The following DPP6 variants were observed in gnomAD, a reference collection of about 807,000 sequenced individuals.
DPP6 encodes the protein dipeptidyl peptidase like 6, also known as A-type potassium channel modulatory protein DPP6.
In DPP6, 69 loss-of-function variants were observed where a neutral mutation model predicts 122.6. The ratio of observed to expected loss-of-function variants is 0.56; its 90% CI spans 0.46 to 0.69. DPP6 has a LOEUF of 0.69. Among genes scored for constraint, DPP6 ranks in the 30% least tolerant of loss-of-function variants. The pLI, the probability that DPP6 is intolerant of heterozygous loss-of-function variation, is 0.00. For missense variants in DPP6, 928 were observed against 1,116.9 expected, an observed-to-expected ratio of 0.83 and a Z score of 2.41; for synonymous variants, 418 against 433.1, an observed-to-expected ratio of 0.97 and a Z score of 0.43.
At chr7:154,247,496 T>C (rs985668328) in intron 1 of DPP6, among the ~76,000 whole-genome samples, 1 of 152,168 alleles carries the variant, frequency 6.6e-6, no homozygotes, top group Admixed American at 6.5e-5. Flanking sequence ...GCACATGAAA[T>C]GGTGCCTAAA....
chr7:154,679,831 G>A (rs537182185), intron 7 of DPP6, among the ~76,000 whole-genome samples: 1 of 152,284 alleles, frequency 6.6e-6, no homozygotes, highest in African/African-American at 2.4e-5. Context: ...ATGGCCTTCT[G>A]TACCCTCAGA....
intron 17 of DPP6, among the ~76,000 whole-genome samples, chr7:154,854,229 C>T (rs569233226): frequency 3.3e-5 from 5 of 152,256 alleles, no homozygotes; most frequent in Middle Eastern, 6.8e-3. Flanking sequence ...GGGAGCTTCA[C>T]GGCATGGAGG....
At chr7:154,768,930 C>T (rs985773965) in intron 8 of DPP6, among the ~76,000 whole-genome samples, 14 of 152,132 alleles carry the variant, frequency 9.2e-5, no homozygotes, top group African/African-American at 1.9e-4. Context: ...TCTGTGTGTG[C>T]GTAAATCCCT....
At chr7:154,094,540 T>G (rs111382609) in intron 1 of DPP6, 1,934 of 152,416 alleles carry the variant, frequency 0.013, 11 homozygotes, top group Non-Finnish European at 0.018. Flanking sequence ...GAGGCATGGC[T>G]GGGAGGCATG....
At chr7:153,818,188 G>A in the DPP6 span, among the ~76,000 whole-genome samples, 1 of 151,810 alleles carries the variant, frequency 6.6e-6, no homozygotes, top group Non-Finnish European at 1.5e-5. Context: ...TCGTAACCAA[G>A]AAAGTGCATA....
intron 5 of DPP6, among the ~76,000 whole-genome samples, chr7:154,613,574 G>A (rs1288295527): frequency 1.6e-5 from 2 of 125,632 alleles, no homozygotes; most frequent in Admixed American, 1.0e-4. Context: ...AGCAGAGATC[G>A]TGCAATTGCA....
chr7:154,788,569 C>T (rs1186536253), intron 10 of DPP6, among the ~76,000 whole-genome samples: 1 of 152,122 alleles, frequency 6.6e-6, no homozygotes, highest in East Asian at 1.9e-4. Flanking sequence ...TTCAGATCAG[C>T]CTAAATTTTG....
At chr7:154,291,142 G>T (rs1400733662) in intron 1 of DPP6, among the ~76,000 whole-genome samples, 1 of 152,136 alleles carries the variant, frequency 6.6e-6, no homozygotes, top group Non-Finnish European at 1.5e-5. Flanking sequence ...AGATGAGAGG[G>T]TCACTGAGGT....
intron 3 of DPP6, among the ~76,000 whole-genome samples, chr7:154,531,049 G>T (rs1379320178): frequency 2.0e-5 from 3 of 152,070 alleles, no homozygotes; most frequent in Non-Finnish European, 4.4e-5. Flanking sequence ...ATGGATGCTG[G>T]GCTTTATACC....
chr7:154,684,728 A>G (rs1360281745), intron 7 of DPP6, among the ~76,000 whole-genome samples: 7 of 152,192 alleles, frequency 4.6e-5, no homozygotes, highest in Admixed American at 4.6e-4. Context: ...TTGCACGTAC[A>G]TGTATCTATT....
At chr7:154,825,695 C>A (rs1003226142) in intron 16 of DPP6, among the ~76,000 whole-genome samples, 3 of 152,234 alleles carry the variant, frequency 2.0e-5, no homozygotes, top group African/African-American at 7.2e-5. Context: ...CGTGCCCCAA[C>A]TGCCACACTG....
intron 1 of DPP6, among the ~76,000 whole-genome samples, chr7:154,223,274 G>A (rs561405507): frequency 6.7e-6 from 1 of 149,310 alleles, no homozygotes; most frequent in South Asian, 2.1e-4. Flanking sequence ...AGGTAAACAC[G>A]TGTGCTTACT....
In DPP6 at chr7:154,339,901, C is replaced by T. The variant is rs1010202752; in HGVS notation, c.244-106313C>T. 8.5e-5 allele frequency among the ~76,000 whole-genome samples: 13 copies of T among 152,074 alleles called. No homozygotes were observed. In the South Asian group the frequency reaches 2.1e-3, roughly 24 times the overall value. ...CAGCCTGGCCAACATGGAGAAACCCCGTCTCTACTAAAAATACAAAAATTA... is the reference window on the plus strand; with the variant it reads ...CAGCCTGGCCAACATGGAGAAACCCTGTCTCTACTAAAAATACAAAAATTA... On this transcript the variant is annotated intron_variant, in intron 1 of 25. Transcript: ENST00000377770.
intron 3 of DPP6, among the ~76,000 whole-genome samples, chr7:154,530,371 A>G (rs558324915): frequency 6.6e-6 from 1 of 152,318 alleles, no homozygotes; most frequent in African/African-American, 2.4e-5. Context: ...ATCAAACAAA[A>G]TAAACACAAA....
intron 8 of DPP6, among the ~76,000 whole-genome samples, chr7:154,763,357 A>AAG (rs1434540376): frequency 2.4e-4 from 6 of 25,478 alleles, no homozygotes; most frequent in South Asian, 1.1e-3. Flanking sequence ...GGAAGGAAGG[A>AAG]GAGAGAGAGA....
chr7:154,007,363 A>G (rs911981365), intron 1 of DPP6, among the ~76,000 whole-genome samples: 3 of 152,182 alleles, frequency 2.0e-5, no homozygotes, highest in African/African-American at 7.2e-5. Context: ...TGTTCTTGAA[A>G]AATCACCGAT....
At chr7:154,584,140 G>C (rs1380790050) in intron 5 of DPP6, among the ~76,000 whole-genome samples, 1 of 152,184 alleles carries the variant, frequency 6.6e-6, no homozygotes, top group Non-Finnish European at 1.5e-5. Flanking sequence ...GCTGCCTTCA[G>C]GGTGACCTTT....
chr7:154,484,714 C>T (rs1451863430), intron 3 of DPP6, among the ~76,000 whole-genome samples: 2 of 152,232 alleles, frequency 1.3e-5, no homozygotes, highest in Non-Finnish European at 2.9e-5. Context: ...TGTTTACGCT[C>T]ATTTTCATTA....
intron 1 of DPP6, among the ~76,000 whole-genome samples, chr7:154,121,900 A>G (rs1226437597): frequency 6.6e-6 from 1 of 152,214 alleles, no homozygotes. Flanking sequence ...TCCCAGTTCA[A>G]CTATAATATA....
Sources: allele counts gnomAD v4.1 joint callset (sites outside exome capture counted in the v4.1 genomes callset), GRCh38; gene constraint gnomAD v4.1.1; transcripts MANE v1.5; gene names NCBI Gene and HGNC (gene_info 2026-07-23, HGNC 2026-07-21).